RPAP2: variants seen among roughly 807,000 people sequenced by gnomAD.
RPAP2 encodes the protein RNA polymerase II associated protein 2.
Under a neutral mutation model 73.1 loss-of-function variants are expected in RPAP2, and 52 were observed. The observed-to-expected ratio is 0.71, with a 90% CI of 0.57 to 0.90. RPAP2 has a LOEUF of 0.90. Among genes scored for constraint, RPAP2 ranks in the 40% least tolerant of loss-of-function variants. The probability of loss-of-function intolerance (pLI) is 0.00; values close to 1 mark genes in which losing one functional copy is unlikely to be tolerated. For missense variants in RPAP2, 598 were observed against 701.8 expected (o/e 0.85, Z 1.67); for synonymous variants, 225 against 242.1 (o/e 0.93, Z 0.65).
At chr1:92,356,142 A>AT (rs869175739) in intron 11 of RPAP2, among the ~76,000 whole-genome samples, 5 of 150,312 alleles carry the variant, frequency 3.3e-5, no homozygotes, top group Non-Finnish European at 6.0e-5. Context: ...TTATTTATTT[A>AT]TTTTTTAATT....
intron 11 of RPAP2, among the ~76,000 whole-genome samples, chr1:92,368,826 G>A (rs979779319): frequency 6.6e-6 from 1 of 152,140 alleles, no homozygotes; most frequent in African/African-American, 2.4e-5. Context: ...CTAAATAAAG[G>A]TCTTATCAAT....
intron 5 of RPAP2, among the ~76,000 whole-genome samples, chr1:92,305,131 T>C (rs1399260011): frequency 1.3e-5 from 2 of 150,398 alleles, no homozygotes; most frequent in Non-Finnish European, 3.0e-5. Context: ...CAAGACACTG[T>C]CTTCAAAAAA....
intron 8 of RPAP2, 120 bp downstream of exon 8, chr1:92,324,495 T>G: frequency 5.2e-6 from 4 of 768,102 alleles, no homozygotes; most frequent in Non-Finnish European, 8.2e-6. Context: ...ATAGTTTCTT[T>G]AGTCATTCTG....
At chr1:92,335,746 A>G (rs1049450481) in intron 9 of RPAP2, among the ~76,000 whole-genome samples, 1 of 152,210 alleles carries the variant, frequency 6.6e-6, no homozygotes, top group Non-Finnish European at 1.5e-5. Flanking sequence ...ATTCTATTAA[A>G]TGGGTATAGC....
intron 12 of RPAP2, among the ~76,000 whole-genome samples, chr1:92,383,059 G>C (rs1406180333): frequency 6.6e-6 from 1 of 152,196 alleles, no homozygotes; most frequent in Non-Finnish European, 1.5e-5. Flanking sequence ...GGTCAGGTTT[G>C]TCCAAGATCA....
chr1:92,336,455 C>G (rs375545330), intron 10 of RPAP2, 28 bp downstream of exon 10: 65 of 1,452,528 alleles, frequency 4.5e-5, no homozygotes, highest in Admixed American at 3.0e-4. Flanking sequence ...AATTATCCTT[C>G]TCAATTATTT....
chr1:92,371,414 GGATA>G (rs976121675), intron 11 of RPAP2, among the ~76,000 whole-genome samples: 1 of 151,282 alleles, frequency 6.6e-6, no homozygotes, highest in African/African-American at 2.4e-5. Flanking sequence ...TAAGACAGAT[GGATA>G]GATAGATAAG....
At chr1:92,372,475 T>C (rs1193912294) in intron 11 of RPAP2, among the ~76,000 whole-genome samples, 1 of 152,242 alleles carries the variant, frequency 6.6e-6, no homozygotes, top group Non-Finnish European at 1.5e-5. Context: ...TAACAAGTGG[T>C]AGGTCATGAT....
At chr1:92,352,684 T>C (rs183004171) in intron 11 of RPAP2, among the ~76,000 whole-genome samples, 13 of 152,332 alleles carry the variant, frequency 8.5e-5, no homozygotes, top group Admixed American at 1.3e-4. Flanking sequence ...CTGTTTAAAG[T>C]TGAGATAAAA....
At chr1:92,331,621 T>C (rs2101219468) in intron 8 of RPAP2, among the ~76,000 whole-genome samples, 1 of 152,306 alleles carries the variant, frequency 6.6e-6, no homozygotes, top group Middle Eastern at 3.4e-3. Flanking sequence ...ACTCCATCTA[T>C]CCCTCTTGAC....
intron 11 of RPAP2, among the ~76,000 whole-genome samples, chr1:92,346,295 C>T (rs1653896068): frequency 6.6e-6 from 1 of 151,996 alleles, no homozygotes; most frequent in African/African-American, 2.4e-5. Flanking sequence ...TCTCTAGTGG[C>T]TGGGACTATA....
At chr1:92,377,516 C>CAAAA (rs530908177) in intron 11 of RPAP2, among the ~76,000 whole-genome samples, 1 of 76,598 alleles carries the variant, frequency 1.3e-5, no homozygotes, top group African/African-American at 5.3e-5. Context: ...AACTTTGTCT[C>CAAAA]AAAAAAAAAA....
chr1:92,355,554 AAGCTTG>A (rs1415061639), intron 11 of RPAP2, among the ~76,000 whole-genome samples: 1 of 152,200 alleles, frequency 6.6e-6, no homozygotes, highest in Non-Finnish European at 1.5e-5. Flanking sequence ...TCTCCATCAT[AAGCTTG>A]GCAGGGAAAT....
At chr1:92,375,144 T>G (rs1655333822) in intron 11 of RPAP2, among the ~76,000 whole-genome samples, 1 of 152,144 alleles carries the variant, frequency 6.6e-6, no homozygotes, top group African/African-American at 2.4e-5. Context: ...CTTGAATGAA[T>G]CATTCATAAA....
intron 11 of RPAP2, among the ~76,000 whole-genome samples, chr1:92,373,087 C>T (rs757954696): frequency 6.6e-6 from 1 of 152,158 alleles, no homozygotes; most frequent in Non-Finnish European, 1.5e-5. Context: ...GTCCTCATGA[C>T]GTTCACATTC....
In RPAP2 at chr1:92,398,928, A is replaced by G. The variant is rs997706412; in HGVS notation, c.*11917A>G. On this transcript the variant is annotated 3_prime_UTR_variant, in exon 13 of 13. Coordinates refer to ENST00000610020, the MANE Select transcript of RPAP2 (RefSeq NM_024813.3). ...TCCAAATTAAACTAGCAAAATATGA[A>G]CTTTTGTAAAAGGTCCACACCCAGC... is the stretch of plus-strand genomic sequence containing the variant. The G allele has an allele frequency of 6.6e-6, 1 of 152,234 alleles. No individual in the cohort carries two copies. Among genetic ancestry groups the G allele is most frequent in the African/African-American group, 2.4e-5 (1 of 41,464 alleles). The allele number at this position is 152,234 out of a possible 1,614,324, so 9.4% of individuals were successfully genotyped here. A position where few individuals can be genotyped will look rare whatever the true frequency, so the allele number is the denominator to read the frequency against.
intron 10 of RPAP2, among the ~76,000 whole-genome samples, chr1:92,338,252 T>G (rs577403781): frequency 6.6e-6 from 1 of 152,284 alleles, no homozygotes; most frequent in African/African-American, 2.4e-5. Context: ...CCTCATTAGG[T>G]GTCATGAAAA....
Position 92,393,218 on chromosome 1 carries a change from C to G in RPAP2, c.*6207C>G, listed in dbSNP as rs1164616454. 1.3e-5 allele frequency: 2 copies of G among 152,176 alleles called. No homozygotes were observed. Among genetic ancestry groups the G allele is most frequent in the Admixed American group, 6.5e-5 (1 of 15,274 alleles). The allele number at this position is 152,176 out of a possible 1,614,324, so 9.4% of individuals were successfully genotyped here. A position where few individuals can be genotyped will look rare whatever the true frequency, so the allele number is the denominator to read the frequency against. On this transcript the variant is annotated 3_prime_UTR_variant, in exon 13 of 13. Transcript: ENST00000610020. ...TGATCTTTGACAAACCTGACACACA[C>G]AAGCAATGGGGAAAAGATTCCCTAT...
intron 9 of RPAP2, 144 bp from the exon 10 acceptor site, chr1:92,336,203 A>G (rs971360644): frequency 2.9e-5 from 18 of 628,378 alleles, no homozygotes; most frequent in African/African-American, 1.5e-4. Context: ...GTTCTCACCA[A>G]TCATAACCTA....
Sources: gnomAD v4.1 joint callset for allele counts (sites outside exome capture counted in the v4.1 genomes callset) on GRCh38, gnomAD v4.1.1 for gene constraint, MANE v1.5 for transcripts, NCBI Gene and HGNC (gene_info 2026-07-23, HGNC 2026-07-21) for gene names.